Variants in SLC24A2 observed in about 807,000 individuals in gnomAD.
SLC24A2 encodes sodium/potassium/calcium exchanger 2.
SLC24A2 carries 36 observed loss-of-function variants against 62.0 expected under a neutral mutation model. The ratio of observed to expected loss-of-function variants is 0.58; its 90% confidence interval spans 0.44 to 0.77. The LOEUF is 0.77. Among genes scored for constraint, SLC24A2 ranks in the 30% least tolerant of loss-of-function variants. SLC24A2 has a pLI of 0.00. For synonymous variants in SLC24A2, 358 were observed against 294.0 expected (o/e 1.22, Z -2.23); for missense variants, 846 against 817.9 (o/e 1.03, Z -0.42).
At chr9:19,977,551 T>C in the SLC24A2 span, among the ~76,000 whole-genome samples, 8 of 152,116 alleles carry the variant, frequency 5.3e-5, no homozygotes, top group Non-Finnish European at 1.0e-4. Flanking sequence ...GTATAGAGAA[T>C]AGTCTGGACA....
the SLC24A2 span, among the ~76,000 whole-genome samples, chr9:20,045,601 T>G: frequency 6.6e-6 from 1 of 151,884 alleles, no homozygotes; most frequent in African/African-American, 2.4e-5. Flanking sequence ...CAGGCTAATT[T>G]TTTGTGTTTT....
the SLC24A2 span, among the ~76,000 whole-genome samples, chr9:20,076,524 G>T: frequency 6.6e-6 from 1 of 152,130 alleles, no homozygotes; most frequent in African/African-American, 2.4e-5. Flanking sequence ...ACCAGAAGCT[G>T]GGAAGAGGCA....
chr9:19,519,349 T>TTGTGTGTGTG (rs10640008), intron 10 of SLC24A2, among the ~76,000 whole-genome samples: 7 of 147,680 alleles, frequency 4.7e-5, no homozygotes, highest in South Asian at 2.2e-4. Flanking sequence ...TTAAACTTCC[T>TTGTGTGTGTG]TGTGTGTGTG....
intron 2 of SLC24A2, among the ~76,000 whole-genome samples, chr9:19,765,286 G>T (rs956353444): frequency 1.3e-5 from 2 of 151,524 alleles, no homozygotes; most frequent in African/African-American, 4.9e-5. Context: ...GGGGAATTTA[G>T]CCCGTTTACA....
At chr9:20,112,779 T>G in the SLC24A2 span, among the ~76,000 whole-genome samples, 2 of 151,936 alleles carry the variant, frequency 1.3e-5, no homozygotes, top group East Asian at 3.9e-4. Context: ...TAATTTTTAG[T>G]GTGTCAATCT....
At chr9:19,706,420 C>T (rs1472611967) in intron 2 of SLC24A2, among the ~76,000 whole-genome samples, 2 of 149,714 alleles carry the variant, frequency 1.3e-5, no homozygotes, top group South Asian at 2.1e-4. Flanking sequence ...CGCTCTGTCG[C>T]CCATGCTGGA....
chr9:19,594,779 A>C (rs1836659397), intron 5 of SLC24A2, among the ~76,000 whole-genome samples: 1 of 152,194 alleles, frequency 6.6e-6, no homozygotes. Context: ...AATCACATAT[A>C]TTATTCTTAT....
At chr9:20,015,673 G>A in the SLC24A2 span, among the ~76,000 whole-genome samples, 78 of 152,290 alleles carry the variant, frequency 5.1e-4, no homozygotes, top group South Asian at 3.5e-3. Context: ...TGATTGCCTC[G>A]TTCCCCACCC....
At chr9:20,088,413 T>G in the SLC24A2 span, among the ~76,000 whole-genome samples, 2 of 152,154 alleles carry the variant, frequency 1.3e-5, no homozygotes, top group Non-Finnish European at 2.9e-5. Flanking sequence ...TCCGACACAG[T>G]GCAGCAGCTC....
At chr9:20,210,929 G>C in the SLC24A2 span, among the ~76,000 whole-genome samples, 1 of 151,978 alleles carries the variant, frequency 6.6e-6, no homozygotes, top group African/African-American at 2.4e-5. Flanking sequence ...GCCCGCTTCA[G>C]GTCTACCTTA....
the SLC24A2 span, among the ~76,000 whole-genome samples, chr9:19,896,506 A>G: frequency 6.6e-6 from 1 of 152,256 alleles, no homozygotes. Context: ...CATAACAGTT[A>G]TTGAACACTA....
the SLC24A2 span, among the ~76,000 whole-genome samples, chr9:19,914,617 T>G: frequency 6.6e-6 from 1 of 152,134 alleles, no homozygotes; most frequent in Non-Finnish European, 1.5e-5. Flanking sequence ...CATGTTCTCT[T>G]AAGGCATTCT....
In SLC24A2 at chr9:19,732,484, T is replaced by C. The variant is rs577484663; in HGVS notation, c.930+53453A>G. On this transcript the variant is annotated intron_variant, in intron 2 of 10. Coordinates refer to ENST00000341998, the MANE Select transcript of SLC24A2 (RefSeq NM_020344.4). Reference sequence around the variant, plus strand: ...TTTTTTAAATTAATTAATTTCTTTTTGATTGACAAATAATTGTGTATATTT... The same window carrying C: ...TTTTTTAAATTAATTAATTTCTTTTCGATTGACAAATAATTGTGTATATTT... 2.3e-3 allele frequency among the ~76,000 whole-genome samples: 353 copies of C among 152,344 alleles called. 1 individual carries two copies. Among genetic ancestry groups the C allele is most frequent in the African/African-American group, 7.9e-3 (330 of 41,588 alleles).
At chr9:20,090,601 C>A in the SLC24A2 span, among the ~76,000 whole-genome samples, 14 of 152,010 alleles carry the variant, frequency 9.2e-5, no homozygotes, top group African/African-American at 2.4e-4. Flanking sequence ...TTACCTAACA[C>A]CCCCACCCCC....
At chr9:20,183,045 AG>A in the SLC24A2 span, among the ~76,000 whole-genome samples, 2 of 152,342 alleles carry the variant, frequency 1.3e-5, no homozygotes, top group African/African-American at 4.8e-5. Context: ...TGTTTTAAAA[AG>A]TCTCTTAGAA....
At chr9:19,653,004 C>T (rs143717211) in intron 2 of SLC24A2, among the ~76,000 whole-genome samples, 23 of 152,294 alleles carry the variant, frequency 1.5e-4, no homozygotes, top group South Asian at 6.2e-4. Flanking sequence ...TCCCATAGGG[C>T]ATCTTACTTG....
chr9:19,562,629 T>TA (rs1835460076), intron 7 of SLC24A2, among the ~76,000 whole-genome samples: 1 of 152,122 alleles, frequency 6.6e-6, no homozygotes. Flanking sequence ...CCTAAAAAAA[T>TA]ATGTATGTAC....
Position 19,521,030 on chromosome 9 carries a change from T to C in SLC24A2, c.1600A>G (p.Ile534Val). The C allele has an allele frequency of 6.2e-7, 1 of 1,614,094 alleles. No individual in the cohort carries two copies. Among genetic ancestry groups the C allele is most frequent in the Non-Finnish European group, 8.5e-7 (1 of 1,179,992 alleles). Residue 534 changes from isoleucine (I) to valine (V), a missense_variant, in exon 10 of 11, where the codon ATT becomes GTT. Ile to Val is a conservative substitution (Grantham distance 29). Coordinates refer to ENST00000341998, the MANE Select transcript of SLC24A2 (RefSeq NM_020344.4). ...VGETIGISEE[I>V]MGLTILAAGT... ...GCAGCCAAGATGGTCAGGCCCATAATCTCTTCACTGATGCCAATTGTCTCT... is the reference window on the plus strand; with the variant it reads ...GCAGCCAAGATGGTCAGGCCCATAACCTCTTCACTGATGCCAATTGTCTCT...
At chr9:19,737,813 G>A (rs553611059) in intron 2 of SLC24A2, among the ~76,000 whole-genome samples, 229 of 151,902 alleles carry the variant, frequency 1.5e-3, no homozygotes, top group African/African-American at 5.4e-3. Context: ...AAAATTTAAT[G>A]AATTTTATTA....
Sources: gnomAD v4.1 joint callset for allele counts (sites outside exome capture counted in the v4.1 genomes callset) on GRCh38, gnomAD v4.1.1 for gene constraint, MANE v1.5 for transcripts, NCBI Gene and HGNC (gene_info 2026-07-23, HGNC 2026-07-21) for gene names.